Variants in KAT6A observed in about 807,000 individuals in gnomAD.
KAT6A encodes the protein lysine acetyltransferase 6A.
KAT6A carries 9 observed loss-of-function variants against 198.4 expected under a neutral mutation model. That is an observed-to-expected ratio of 0.05 (90% CI 0.03 to 0.08). The LOEUF is 0.08. Ranked by LOEUF, KAT6A falls within the 10% of genes least tolerant of loss-of-function variation. The pLI is 1.00. For synonymous variants in KAT6A, 890 were observed against 883.0 expected (o/e 1.01, Z -0.14); for missense variants, 2,077 against 2,509.9 (o/e 0.83, Z 3.69).
At chr8:41,939,086 A>G (rs1192761039) in intron 15 of KAT6A, among the ~76,000 whole-genome samples, 1 of 152,188 alleles carries the variant, frequency 6.6e-6, no homozygotes, top group Non-Finnish European at 1.5e-5. Flanking sequence ...TATAAAGTGA[A>G]GTATCACGTA....
At chr8:42,046,230 T>A (rs1802284548) in intron 2 of KAT6A, among the ~76,000 whole-genome samples, 1 of 152,114 alleles carries the variant, frequency 6.6e-6, no homozygotes, top group Non-Finnish European at 1.5e-5. Context: ...CAAGCAAGTG[T>A]AATTACAATA....
intron 2 of KAT6A, among the ~76,000 whole-genome samples, chr8:42,038,576 A>T (rs1193738998): frequency 6.6e-6 from 1 of 152,224 alleles, no homozygotes; most frequent in Non-Finnish European, 1.5e-5. Flanking sequence ...GGCCTGACCA[A>T]TTCTTCCAGA....
rs1822550767 is a variant in KAT6A, at chr8:41,949,244, T to C, written c.1718A>G (p.Lys573Arg). ...TACCTCAAAGACAGAAATATTATTC[T>C]TTCTGTAAATCTCATTGGCAGGAGG... ...FHPPANEIYRKNNISVFEVDG... is the reference protein window; with the variant it reads ...FHPPANEIYRRNNISVFEVDG... The change falls in exon 10 of 17, where the codon AAG becomes AGG. Residue 573 changes from lysine to arginine, a missense_variant. Lys to Arg is a conservative substitution (Grantham distance 26). Around this residue, in one of 13 missense-constraint regions of KAT6A, gnomAD observed 46 missense variants for 88.2 expected, o/e 0.52. Transcript: ENST00000265713. 1.3e-6 allele frequency: 2 copies of C among 1,531,886 alleles called. No individual in the cohort carries two copies. The highest frequency in any genetic ancestry group is 1.8e-6 in the Non-Finnish European group (2 of 1,141,218). 94.9% of individuals were successfully genotyped at this position (1,531,886 alleles called of 1,614,324 possible).
intron 1 of KAT6A, among the ~76,000 whole-genome samples, chr8:42,049,932 T>C (rs561267796): frequency 2.6e-5 from 4 of 152,234 alleles, no homozygotes; most frequent in Non-Finnish European, 5.9e-5. Flanking sequence ...TAAAAGTGCT[T>C]ACTGAATTTA....
chr8:42,001,472 G>A (rs1194540101), intron 2 of KAT6A, among the ~76,000 whole-genome samples: 1 of 152,132 alleles, frequency 6.6e-6, no homozygotes, highest in Non-Finnish European at 1.5e-5. Context: ...ACATGGTCAA[G>A]GGACTTTTCA....
At chr8:42,047,034 A>G (rs1472850257) in intron 2 of KAT6A, among the ~76,000 whole-genome samples, 3 of 152,242 alleles carry the variant, frequency 2.0e-5, no homozygotes, top group African/African-American at 4.8e-5. Context: ...TGCTAATAAT[A>G]CAACAAATTG....
At chr8:42,051,492 T>C (rs1048494392) in intron 1 of KAT6A, among the ~76,000 whole-genome samples, 1 of 143,778 alleles carries the variant, frequency 7.0e-6, no homozygotes, top group Non-Finnish European at 1.5e-5. Flanking sequence ...GGCGGGCGGG[T>C]GGGCGCGCCC....
rs779702506 is a variant in KAT6A at position 41,942,786 on chromosome 8, C to T, written c.2436+7G>A. Reference sequence around the variant, plus strand: ...TCATCAAAAATAGAGACTATTCATGCCCTTACACTGATCTCTAATTCTCTT... The same window carrying T: ...TCATCAAAAATAGAGACTATTCATGTCCTTACACTGATCTCTAATTCTCTT... On this transcript the variant is annotated splice_region_variant and intron_variant, in intron 14 of 16. Transcript: ENST00000265713. The T allele has an allele frequency of 6.2e-7, 1 of 1,613,868 alleles. No homozygotes were observed. The highest frequency in any genetic ancestry group is 8.5e-7 in the Non-Finnish European group (1 of 1,179,862).
chr8:41,969,037 T>C (rs954729467), intron 8 of KAT6A, among the ~76,000 whole-genome samples: 1 of 152,190 alleles, frequency 6.6e-6, no homozygotes, highest in South Asian at 2.1e-4. Flanking sequence ...CCTTCCAGAC[T>C]ATAAGCTCTA....
intron 2 of KAT6A, among the ~76,000 whole-genome samples, chr8:42,021,680 C>A (rs1826541324): frequency 2.0e-5 from 3 of 152,174 alleles, no homozygotes; most frequent in Admixed American, 2.0e-4. Context: ...CCTGTAATCC[C>A]AGCACTTTGG....
rs770109170 is a variant in KAT6A, at chr8:41,934,512, AGCCTCTTCT to A, written c.3699_3707del (p.Ala1236_Glu1238del). 2.5e-6 allele frequency: 4 copies of A among 1,612,814 alleles called. No individual in the cohort carries two copies. The highest frequency in any genetic ancestry group is 2.5e-6 in the Non-Finnish European group (3 of 1,179,554). ...CTGCATCCTCTTCCTCACCCTCTTCAGCCTCTTCTGCCTCTGCTTGCATCTCCTCCTCCT... is the reference window on the plus strand; with the variant it reads ...CTGCATCCTCTTCCTCACCCTCTTCAGCCTCTGCTTGCATCTCCTCCTCCT... On this transcript the variant is annotated inframe_deletion, in exon 17 of 17. Transcript: ENST00000265713.
At chr8:41,936,540 C>T (rs1432316245) in intron 16 of KAT6A, among the ~76,000 whole-genome samples, 1 of 152,168 alleles carries the variant, frequency 6.6e-6, no homozygotes, top group Non-Finnish European at 1.5e-5. Flanking sequence ...AAACTTTAGG[C>T]TAGGGTGAAA....
chr8:42,034,785 C>G (rs1827289676), intron 2 of KAT6A, among the ~76,000 whole-genome samples: 1 of 152,190 alleles, frequency 6.6e-6, no homozygotes, highest in African/African-American at 2.4e-5. Context: ...CATCATTGCA[C>G]AAAGTTCTGT....
In KAT6A at chr8:41,974,805, C is replaced by G; in HGVS notation, c.1381G>C (p.Asp461His). 5 of 1,609,672 alleles carry G rather than the reference C, an allele frequency of 3.1e-6. No homozygotes were observed. Among genetic ancestry groups the G allele is most frequent in the Non-Finnish European group, 4.2e-6 (5 of 1,177,102 alleles). The change falls in exon 8 of 17, where the codon GAT (aspartate) becomes CAT (histidine). Residue 461 changes from aspartate to histidine, a missense_variant. Transcript: ENST00000265713. The part of the protein sequence containing the change: ...DWPTDNQDGW[D>H]GKQENEERLF... ...CGCTCCTCATTTTCTTGTTTGCCATCCCAGCCATCCTGATTGTCTACATAT... is the reference window on the plus strand; with the variant it reads ...CGCTCCTCATTTTCTTGTTTGCCATGCCAGCCATCCTGATTGTCTACATAT...
chr8:41,947,692 G>T, intron 11 of KAT6A, 59 bp downstream of exon 11: 1 of 1,394,134 alleles, frequency 7.2e-7, no homozygotes, highest in Non-Finnish European at 9.9e-7. Flanking sequence ...GTGAGAACCA[G>T]CAAAGATTCT....
At chr8:41,951,333 T>C (rs953765802) in intron 9 of KAT6A, among the ~76,000 whole-genome samples, 3 of 151,992 alleles carry the variant, frequency 2.0e-5, no homozygotes, top group Non-Finnish European at 4.4e-5. Context: ...ACTGCTAATC[T>C]AAAGGGAATC....
chr8:42,037,130 C>T (rs993499089), intron 2 of KAT6A, among the ~76,000 whole-genome samples: 9 of 152,062 alleles, frequency 5.9e-5, no homozygotes, highest in African/African-American at 2.2e-4. Context: ...AAACCTGGGC[C>T]TCACTACTAG....
chr8:42,036,843 T>C, intron 2 of KAT6A, among the ~76,000 whole-genome samples: 1 of 152,188 alleles, frequency 6.6e-6, no homozygotes, highest in East Asian at 1.9e-4. Flanking sequence ...TTAGAGTAGT[T>C]ATAGCCAGGG....
intron 2 of KAT6A, among the ~76,000 whole-genome samples, chr8:42,001,526 A>G (rs1825493520): frequency 6.6e-6 from 1 of 152,204 alleles, no homozygotes; most frequent in Non-Finnish European, 1.5e-5. Flanking sequence ...CTATGCTACA[A>G]TAAAAATCTT....
Sources: allele counts gnomAD v4.1 joint callset (sites outside exome capture counted in the v4.1 genomes callset), GRCh38; gene constraint gnomAD v4.1.1; regional missense constraint gnomAD v4.1.1; transcripts MANE v1.5; gene names NCBI Gene and HGNC (gene_info 2026-07-23, HGNC 2026-07-21).